Variants in NCOR1 observed in about 807,000 individuals in gnomAD.
NCOR1 encodes nuclear receptor corepressor 1, also known as protein phosphatase 1, regulatory subunit 109.
NCOR1 carries 63 observed loss-of-function variants against 288.1 expected under a neutral mutation model. The observed-to-expected ratio is 0.22, with a 90% CI of 0.18 to 0.27. NCOR1 has a LOEUF of 0.27. NCOR1 is among the 10% of genes least tolerant of loss of function. The pLI is 1.00. For synonymous variants in NCOR1, 1,007 were observed against 1,065.9 expected, an observed-to-expected ratio of 0.94 and a Z score of 1.08; for missense variants, 2,397 against 3,019.2, an observed-to-expected ratio of 0.79 and a Z score of 4.83.
At chr17:16,177,434 T>C (rs1048865896) in intron 3 of NCOR1, among the ~76,000 whole-genome samples, 2 of 152,170 alleles carry the variant, frequency 1.3e-5, no homozygotes, top group Non-Finnish European at 2.9e-5. Flanking sequence ...ATTTGTGCCA[T>C]TCCCCACCCT....
chr17:16,155,740 A>AT (rs1342232117), intron 6 of NCOR1, among the ~76,000 whole-genome samples: 1 of 152,192 alleles, frequency 6.6e-6, no homozygotes, highest in African/African-American at 2.4e-5. Flanking sequence ...CACCCAAGAA[A>AT]TAAGAGGGAG....
intron 1 of NCOR1, among the ~76,000 whole-genome samples, chr17:16,203,043 AC>A (rs2091039654): frequency 1.9e-5 from 1 of 52,120 alleles, no homozygotes; most frequent in South Asian, 5.0e-4. Context: ...TGTTCCTTAC[AC>A]ACACACACAC....
In NCOR1 at chr17:16,093,652, A is replaced by C. The variant is rs188640690; in HGVS notation, c.2821-1594T>G. On this transcript the variant is annotated intron_variant, in intron 21 of 45. Transcript: ENST00000268712. ...ACTTCCATAGTTTTTCCCCTAGCGT[A>C]AGTAGTATTATTCACTGATCCTAAA... is the stretch of plus-strand genomic sequence containing the variant. 2.6e-5 allele frequency among the ~76,000 whole-genome samples: 4 copies of C among 152,278 alleles called. No individual in the cohort carries two copies. The East Asian group carries it at 7.7e-4, about 29-fold the overall frequency.
At chr17:16,137,144 A>T (rs1389962570) in intron 14 of NCOR1, among the ~76,000 whole-genome samples, 167 bp downstream of exon 14, 4 of 152,202 alleles carry the variant, frequency 2.6e-5, no homozygotes, top group Non-Finnish European at 1.5e-5. Flanking sequence ...GATTTAATAC[A>T]TTAAATATAT....
intron 8 of NCOR1, 91 bp downstream of exon 8, chr17:16,151,855 T>TA: frequency 1.9e-6 from 2 of 1,032,444 alleles, no homozygotes; most frequent in East Asian, 4.8e-5. Flanking sequence ...ACCTACAATA[T>TA]ATTATAATAA....
Position 16,048,955 on chromosome 17 carries a change from G to T in NCOR1, c.6426C>A (p.Val2142=), listed in dbSNP as rs373902930. The T allele has an allele frequency of 6.2e-7, 1 of 1,612,306 alleles. No individual in the cohort carries two copies. The highest frequency in any genetic ancestry group is 1.3e-5 in the African/African-American group (1 of 74,996). Residue 2142 remains valine, a synonymous_variant, in exon 41 of 46, where the codon GTC becomes GTA. Coordinates refer to ENST00000268712, the MANE Select transcript of NCOR1 (RefSeq NM_006311.4). ...AGATGGGCTCGTAGGGCTCCGAAGA[G>T]ACGTGACTCCTCTCTGGGGATTTTC... ...RPGKSPERSH[V]SSEPYEPISP... is the part of the protein sequence containing the mutation.
At chr17:16,093,659 A>AT (rs998415228) in intron 21 of NCOR1, among the ~76,000 whole-genome samples, 7 of 152,264 alleles carry the variant, frequency 4.6e-5, no homozygotes, top group Non-Finnish European at 1.0e-4. Flanking sequence ...CGTAAGTAGT[A>AT]TTATTCACTG....
In NCOR1 at chr17:16,171,869, A is replaced by C; in HGVS notation, c.369T>G (p.Ser123Arg). 1 of 1,613,574 alleles carries C rather than the reference A, an allele frequency of 6.2e-7. No individual in the cohort carries two copies. Among genetic ancestry groups the C allele is most frequent in the Non-Finnish European group, 8.5e-7 (1 of 1,179,768 alleles). Residue 123 changes from serine to arginine, a missense_variant, in exon 4 of 46, where the codon AGT becomes AGG. This residue lies in a region of NCOR1 where 110 missense variants were observed against 123.2 expected (regional missense o/e 0.89). Transcript: ENST00000268712. ...GGTGCACTAAAGGCAAAACCGCAGC[A>C]CTGACACGCTGAAAATGAGAATCAG... The part of the protein sequence containing the change: ...QVSDSHFQRV[S>R]AAVLPLVHPL...
chr17:16,096,843 C>A (rs1195373098), intron 21 of NCOR1, among the ~76,000 whole-genome samples: 1 of 152,174 alleles, frequency 6.6e-6, no homozygotes, highest in African/African-American at 2.4e-5. Flanking sequence ...GCTGACCATA[C>A]AGGTACTAGT....
At chr17:16,154,341 G>T (rs2079362030) in intron 6 of NCOR1, among the ~76,000 whole-genome samples, 1 of 152,156 alleles carries the variant, frequency 6.6e-6, no homozygotes, top group Admixed American at 6.5e-5. Context: ...TAAGTCTACA[G>T]ATAGAAGTAA....
At chr17:16,137,168 AAATAATTAT>A in intron 14 of NCOR1, 134 bp downstream of exon 14, 2 of 480,354 alleles carry the variant, frequency 4.2e-6, no homozygotes, top group Non-Finnish European at 3.7e-6. Context: ...TATAACTTCA[AAATAATTAT>A]AACATCCTCA....
At chr17:16,040,775 C>T in intron 42 of NCOR1, 1 of 412,348 alleles carries the variant, frequency 2.4e-6, no homozygotes, top group South Asian at 2.3e-5. Context: ...CACTCCTAGT[C>T]CCCCAGCTAC....
At chr17:16,070,988 C>T (rs775814514) in intron 30 of NCOR1, among the ~76,000 whole-genome samples, 5 of 151,118 alleles carry the variant, frequency 3.3e-5, no homozygotes, top group Non-Finnish European at 4.4e-5. Flanking sequence ...AAGATCGTGC[C>T]ATTACACAAA....
chr17:16,127,559 ATATATGTATG>A (rs1419633893), intron 14 of NCOR1, among the ~76,000 whole-genome samples: 1 of 141,822 alleles, frequency 7.1e-6, no homozygotes, highest in Non-Finnish European at 1.5e-5. Flanking sequence ...ACACATGTGT[ATATATGTATG>A]TATATATACA....
intron 40 of NCOR1, among the ~76,000 whole-genome samples, chr17:16,053,711 T>G (rs1302157911): frequency 1.3e-5 from 2 of 151,752 alleles, no homozygotes. Context: ...TTAATATAGA[T>G]CCAAAAAAGA....
At chr17:16,194,803 C>T (rs2089399538) in intron 1 of NCOR1, among the ~76,000 whole-genome samples, 164 bp from the exon 2 acceptor site, 3 of 152,146 alleles carry the variant, frequency 2.0e-5, no homozygotes, top group Non-Finnish European at 4.4e-5. Flanking sequence ...AACATTAATG[C>T]ATCATTTCTT....
chr17:16,046,574 T>C (rs778023489), intron 42 of NCOR1, among the ~76,000 whole-genome samples: 8 of 152,160 alleles, frequency 5.3e-5, no homozygotes, highest in Non-Finnish European at 8.8e-5. Flanking sequence ...AGAGGACTCC[T>C]GAAAGACACG....
At chr17:16,213,215 AG>A (rs1463971633) in intron 1 of NCOR1, among the ~76,000 whole-genome samples, 2 of 152,106 alleles carry the variant, frequency 1.3e-5, no homozygotes, top group Non-Finnish European at 2.9e-5. Context: ...AAAATAAGCC[AG>A]GCACGGTGGC....
intron 19 of NCOR1, among the ~76,000 whole-genome samples, chr17:16,105,130 T>C (rs1211782269): frequency 2.0e-5 from 3 of 152,202 alleles, no homozygotes; most frequent in Non-Finnish European, 4.4e-5. Context: ...GTCTTTATTT[T>C]TACTGAGATG....
Sources: allele counts gnomAD v4.1 joint callset (sites outside exome capture counted in the v4.1 genomes callset), GRCh38; gene constraint gnomAD v4.1.1; regional missense constraint gnomAD v4.1.1; transcripts MANE v1.5; gene names NCBI Gene and HGNC (gene_info 2026-07-23, HGNC 2026-07-21).